The following EAF2 variants were observed in gnomAD, a reference collection of about 807,000 sequenced individuals.
The protein encoded by EAF2 is ELL-associated factor 2.
EAF2 carries 29 observed loss-of-function variants against 29.4 expected under a neutral mutation model. The ratio of observed to expected loss-of-function variants is 0.99; its 90% CI spans 0.73 to 1.35. The LOEUF (loss-of-function observed/expected upper bound fraction) is 1.35. Among genes scored for constraint, EAF2 ranks in the 40% most tolerant of loss-of-function variants. EAF2 has a pLI of 0.00. For synonymous variants in EAF2, 103 were observed against 102.5 expected (o/e 1.00, Z -0.03); for missense variants, 292 against 312.0 (o/e 0.94, Z 0.48).
rs139312365 is a variant in EAF2, at chr3:121,868,537, G to T, written c.485-4000G>T. On this transcript the variant is annotated intron_variant, in intron 4 of 5. Coordinates refer to ENST00000273668, the MANE Select transcript of EAF2 (RefSeq NM_018456.6). Reference sequence around the variant, plus strand: ...CGCTTGAACTTGGGAGGCGGAGGTTGCAGTGAGCTGAGATCACGCCACTGC... The same window carrying T: ...CGCTTGAACTTGGGAGGCGGAGGTTTCAGTGAGCTGAGATCACGCCACTGC... Among the ~76,000 whole-genome samples the T allele has an allele frequency of 1.5e-3, 222 of 152,316 alleles. 2 individuals are homozygous for T. The highest frequency in any genetic ancestry group is 5.1e-3 in the African/African-American group (212 of 41,580).
intron 4 of EAF2, among the ~76,000 whole-genome samples, chr3:121,861,167 C>T (rs945823204): frequency 6.6e-6 from 1 of 152,120 alleles, no homozygotes; most frequent in Non-Finnish European, 1.5e-5. Flanking sequence ...GTGGAGAGTT[C>T]TGTAGATGTT....
intron 1 of EAF2, 58 bp from the exon 2 acceptor site, chr3:121,844,395 T>C: frequency 9.3e-7 from 1 of 1,077,504 alleles, no homozygotes. Flanking sequence ...ATGCTCATAA[T>C]TTTTATATCC....
chr3:121,841,246 G>A (rs1708414762), intron 1 of EAF2, among the ~76,000 whole-genome samples: 2 of 152,180 alleles, frequency 1.3e-5, no homozygotes, highest in Non-Finnish European at 2.9e-5. Flanking sequence ...GCTCACGCCT[G>A]TAATCCCAGC....
At position 121,857,071 on chromosome 3, in the gene EAF2, T is replaced by C. The variant is rs1332655353; in HGVS notation, c.399T>C (p.Asn133=). Residue 133 remains asparagine, a synonymous_variant, in exon 4 of 6, where the codon AAT becomes AAC. Transcript: ENST00000273668. ...AACAACAGCAACAACAAATGTGGAATTCAGCCAGGACTCCCAATCTTGTAA... is the reference window on the plus strand; with the variant it reads ...AACAACAGCAACAACAAATGTGGAACTCAGCCAGGACTCCCAATCTTGTAA... ...RKEQQQQQMW[N]SARTPNLVKH... is the part of the protein sequence containing the mutation. 1 of 1,613,716 alleles carries C rather than the reference T, an allele frequency of 6.2e-7. No homozygotes were observed. The highest frequency in any genetic ancestry group is 8.5e-7 in the Non-Finnish European group (1 of 1,179,810).
intron 5 of EAF2, among the ~76,000 whole-genome samples, chr3:121,875,712 C>G (rs1317141129): frequency 6.6e-6 from 1 of 151,684 alleles, no homozygotes; most frequent in Non-Finnish European, 1.5e-5. Flanking sequence ...GAAGATACAG[C>G]TTTTAAAAGA....
intron 4 of EAF2, among the ~76,000 whole-genome samples, chr3:121,868,682 T>C (rs571109241): frequency 6.6e-6 from 1 of 152,298 alleles, no homozygotes; most frequent in South Asian, 2.1e-4. Flanking sequence ...CATAAGTGTG[T>C]ATACATCTAA....
chr3:121,871,446 A>G (rs1471229814), intron 4 of EAF2, among the ~76,000 whole-genome samples: 1 of 152,068 alleles, frequency 6.6e-6, no homozygotes, highest in Admixed American at 6.6e-5. Flanking sequence ...GTAGATATAC[A>G]GGTTTTATAC....
chr3:121,863,974 T>C (rs1196390230), intron 4 of EAF2, among the ~76,000 whole-genome samples: 5 of 152,202 alleles, frequency 3.3e-5, no homozygotes, highest in Admixed American at 3.3e-4. Context: ...TTTTTATGTA[T>C]GGCCAGACTG....
intron 4 of EAF2, among the ~76,000 whole-genome samples, chr3:121,860,028 G>C (rs1655273781): frequency 6.6e-6 from 1 of 152,188 alleles, no homozygotes; most frequent in African/African-American, 2.4e-5. Context: ...AAGCCGACTT[G>C]ATCATGGTGG....
chr3:121,867,522 T>G (rs1027621825), intron 4 of EAF2, among the ~76,000 whole-genome samples: 1 of 152,184 alleles, frequency 6.6e-6, no homozygotes, highest in African/African-American at 2.4e-5. Flanking sequence ...AAAAAAATGT[T>G]AAGTGTGAAT....
chr3:121,838,908 G>C (rs1192453496), intron 1 of EAF2, among the ~76,000 whole-genome samples: 2 of 152,184 alleles, frequency 1.3e-5, no homozygotes, highest in African/African-American at 2.4e-5. Context: ...TATATAATAT[G>C]AGGAGATAAA....
At chr3:121,842,237 G>T (rs1291521966) in intron 1 of EAF2, among the ~76,000 whole-genome samples, 1 of 152,054 alleles carries the variant, frequency 6.6e-6, no homozygotes, top group Non-Finnish European at 1.5e-5. Flanking sequence ...ACTAGTATAG[G>T]CACCCACATA....
At chr3:121,857,390 G>C (rs1708739314) in intron 4 of EAF2, among the ~76,000 whole-genome samples, 1 of 151,746 alleles carries the variant, frequency 6.6e-6, no homozygotes, top group Non-Finnish European at 1.5e-5. Flanking sequence ...TACTCGGGAG[G>C]CTGAGGTAGA....
At chr3:121,853,080 C>T (rs975470775) in intron 2 of EAF2, among the ~76,000 whole-genome samples, 1 of 152,084 alleles carries the variant, frequency 6.6e-6, no homozygotes, top group African/African-American at 2.4e-5. Context: ...TTTTGCTAAT[C>T]TTTTTATTTT....
chr3:121,850,887 G>C (rs962681253), intron 2 of EAF2, among the ~76,000 whole-genome samples: 5 of 151,830 alleles, frequency 3.3e-5, no homozygotes, highest in African/African-American at 1.2e-4. Flanking sequence ...TTTTAGTAGA[G>C]TTGGGGGTTC....
chr3:121,866,347 G>A (rs1708926369), intron 4 of EAF2, among the ~76,000 whole-genome samples: 2 of 152,236 alleles, frequency 1.3e-5, no homozygotes, highest in Middle Eastern at 3.4e-3. Flanking sequence ...CCTAAACAGA[G>A]TGATTGCCTA....
rs571056191 is a variant in EAF2, at chr3:121,845,563, A to C, written c.201+1016A>C. 8.5e-5 allele frequency among the ~76,000 whole-genome samples: 13 copies of C among 152,130 alleles called. No homozygotes were observed. The South Asian group carries it at 2.5e-3, about 29-fold the overall frequency. On this transcript the variant is annotated intron_variant, in intron 2 of 5. Transcript: ENST00000273668. Reference sequence around the variant, plus strand: ...AGGATATTTTATGTTGTAATGTAGAATTTGGACTTTATCCCATAGGTATTA... The same window carrying C: ...AGGATATTTTATGTTGTAATGTAGACTTTGGACTTTATCCCATAGGTATTA...
chr3:121,838,136 C>T (rs761380022), intron 1 of EAF2, among the ~76,000 whole-genome samples: 4 of 151,880 alleles, frequency 2.6e-5, no homozygotes, highest in East Asian at 1.9e-4. Flanking sequence ...ATCAGAAAAG[C>T]GATAAACATT....
At chr3:121,876,698 G>A (rs1002970133) in intron 5 of EAF2, among the ~76,000 whole-genome samples, 1 of 152,010 alleles carries the variant, frequency 6.6e-6, no homozygotes, top group East Asian at 1.9e-4. Flanking sequence ...TTTGTAGTGA[G>A]TTATGTATCC....
Sources: allele counts gnomAD v4.1 joint callset (sites outside exome capture counted in the v4.1 genomes callset), GRCh38; gene constraint gnomAD v4.1.1; transcripts MANE v1.5; gene names NCBI Gene and HGNC (gene_info 2026-07-23, HGNC 2026-07-21).